FCRL5: variants seen among roughly 807,000 people sequenced by gnomAD.
FCRL5 encodes Fc receptor like 5.
Under a neutral mutation model 92.1 loss-of-function variants are expected in FCRL5, and 79 were observed. That is an observed-to-expected ratio of 0.86 (90% CI 0.72 to 1.03). The LOEUF (loss-of-function observed/expected upper bound fraction) is 1.03. Ranked by LOEUF, FCRL5 falls within the 50% of genes least tolerant of loss-of-function variation. The pLI is 0.00. For missense variants in FCRL5, 1,160 were observed against 1,181.1 expected, an observed-to-expected ratio of 0.98 and a Z score of 0.26; for synonymous variants, 466 against 469.3, an observed-to-expected ratio of 0.99 and a Z score of 0.09.
intron 6 of FCRL5, 38 bp from the exon 7 acceptor site, chr1:157,539,402 C>T: frequency 6.5e-7 from 1 of 1,547,892 alleles, no homozygotes; most frequent in Non-Finnish European, 8.7e-7. Flanking sequence ...TTTGTTTCTG[C>T]CTCCTGCTGT....
At position 157,513,578 on chromosome 1, in the gene FCRL5, C is replaced by T. The variant is rs1324939232; in HGVS notation, c.*2097G>A. On this transcript the variant is annotated 3_prime_UTR_variant, in exon 17 of 17. Transcript: ENST00000361835. The stretch of plus-strand genomic sequence containing the variant: ...AAGCAGAAAAACTTATGTCCCAGCC[C>T]AAAGCAGGAGTTCCCCCTTACTTGA... 6.6e-6 allele frequency: 1 copy of T among 152,206 alleles called. No individual in the cohort carries two copies. The highest frequency in any genetic ancestry group is 1.5e-5 in the Non-Finnish European group (1 of 68,044). 9.4% of individuals were successfully genotyped at this position (152,206 alleles called of 1,614,324 possible).
chr1:157,528,308 T>A (rs1650532132), intron 8 of FCRL5: 1 of 153,112 alleles, frequency 6.5e-6, no homozygotes, highest in Admixed American at 6.5e-5. Context: ...GTGTAAGAAA[T>A]CGCAGATGAC....
chr1:157,544,772 T>A, intron 4 of FCRL5, 59 bp downstream of exon 4: 1 of 1,602,794 alleles, frequency 6.2e-7, no homozygotes. Flanking sequence ...GTTCTATCTC[T>A]ATGACCCCAA....
rs1651646513 is a variant in FCRL5, at chr1:157,548,197, C to T, written c.53-1000G>A. 2.0e-5 allele frequency among the ~76,000 whole-genome samples: 3 copies of T among 152,226 alleles called. No homozygotes were observed. In the South Asian group the frequency reaches 6.2e-4, roughly 32 times the overall value. On this transcript the variant is annotated intron_variant, in intron 2 of 16. Transcript: ENST00000361835. ...GCTGCTTGGGCATTCACCCCTTCCC[C>T]CAGGGAGGGTCAGAGGGTGACCATG... is the stretch of plus-strand genomic sequence containing the variant.
At chr1:157,523,964 G>T (rs1888872) in intron 10 of FCRL5, 13 of 426,660 alleles carry the variant, frequency 3.0e-5, no homozygotes, top group Non-Finnish European at 4.9e-5. Context: ...AGAAACATAT[G>T]CTCAGAATTC....
chr1:157,516,381 G>A (rs566460758), intron 15 of FCRL5, among the ~76,000 whole-genome samples: 1 of 152,338 alleles, frequency 6.6e-6, no homozygotes, highest in Admixed American at 6.5e-5. Flanking sequence ...GAAGCTATAT[G>A]AGTTTACACA....
At chr1:157,546,083 T>TG (rs1277353409) in intron 3 of FCRL5, 1 of 247,208 alleles carries the variant, frequency 4.0e-6, no homozygotes, top group East Asian at 1.2e-4. Flanking sequence ...TATCTACCTA[T>TG]GCATTATCTA....
Position 157,546,999 on chromosome 1 carries a change from C to A in FCRL5, c.251G>T (p.Arg84Ile), listed in dbSNP as rs769111036. 7 of 1,614,196 alleles carry A rather than the reference C, an allele frequency of 4.3e-6. No individual in the cohort carries two copies. In the East Asian group the frequency reaches 1.3e-4, roughly 31 times the overall value. Residue 84 changes from arginine (R) to isoleucine (I), a missense_variant, in exon 3 of 17, where the codon AGA (arginine) becomes ATA (isoleucine). Transcript: ENST00000361835. Reference protein sequence around the residue: ...ILEVQESGEYRCQAQGSPLSS... With the variant: ...ILEVQESGEYICQAQGSPLSS... The stretch of plus-strand genomic sequence containing the variant: ...GAGAGGGGAGCCCTGGGCCTGGCAT[C>A]TGTACTCTCCAGATTCCTGAACCTC...
At chr1:157,535,912 C>CT (rs1252924638) in intron 7 of FCRL5, among the ~76,000 whole-genome samples, 2 of 129,138 alleles carry the variant, frequency 1.5e-5, no homozygotes, top group Admixed American at 8.2e-5. Flanking sequence ...CCAAAGGGTA[C>CT]TTTGTGGCTA....
intron 8 of FCRL5, among the ~76,000 whole-genome samples, chr1:157,529,596 T>C (rs10908576): frequency 0.053 from 242 of 4,570 alleles, no homozygotes; most frequent in East Asian, 0.21. Flanking sequence ...TACATACGCA[T>C]GTGTGTGTGT....
rs138964491 is a variant in FCRL5 at position 157,544,696 on chromosome 1, T to C, written c.559+135A>G. ...CCTTCAGCCCAAAACACTACTATAC[T>C]TCCTCTGCTCCTTGCAGGAATGTGT... On this transcript the variant is annotated intron_variant, in intron 4 of 16. Coordinates refer to ENST00000361835, the MANE Select transcript of FCRL5 (RefSeq NM_031281.3). The C allele has an allele frequency of 1.1e-3, 1,497 of 1,420,550 alleles. 12 individuals are homozygous for C. The African/African-American group carries it at 0.018, about 17-fold the overall frequency. The allele number at this position is 1,420,550 out of a possible 1,614,324, so 88.0% of individuals were successfully genotyped here.
intron 7 of FCRL5, among the ~76,000 whole-genome samples, chr1:157,535,943 G>GTTTTTTTTTTTT (rs60191062): frequency 0.43 from 37,758 of 88,454 alleles, 12,124 homozygotes; most frequent in East Asian, 0.59. Context: ...ATGTGACTCA[G>GTTTTTTTTTTTT]TTTTTTTTTT....
chr1:157,515,931 G>A lies in FCRL5; in HGVS notation c.2813-58C>T, dbSNP rs547869557. ...GACTGGCATGGGGCTCTTCCCTTGT[G>A]CCTGCGCTGTGGGGCCAGCCCTGAG... On this transcript the variant is annotated intron_variant, in intron 15 of 16. Transcript: ENST00000361835. The A allele has an allele frequency of 5.2e-4, 830 of 1,591,014 alleles. 1 individual carries two copies. The Middle Eastern group carries it at 6.5e-3, about 12-fold the overall frequency.
chr1:157,546,562 C>G (rs759722808), intron 3 of FCRL5, among the ~76,000 whole-genome samples: 4 of 151,980 alleles, frequency 2.6e-5, no homozygotes, highest in Non-Finnish European at 5.9e-5. Flanking sequence ...TTTCTGGTAC[C>G]GGAGAGGCTT....
At position 157,527,677 on chromosome 1, in the gene FCRL5, ATGAG is replaced by A; in HGVS notation, c.1896_1899del (p.Ser633ValfsTer7). On this transcript the variant is annotated frameshift_variant, in exon 9 of 17. Transcript: ENST00000361835. LOFTEE classifies it high-confidence loss of function. ...GCCACTAGGCCATTGTTGGCCTCAC[ATGAG>A]TAGTTTCCAGAATGTTCTGCAGTCA... 6.2e-7 allele frequency: 1 copy of A among 1,614,174 alleles called. No individual in the cohort carries two copies. The highest frequency in any genetic ancestry group is 8.5e-7 in the Non-Finnish European group (1 of 1,179,988).
intron 1 of FCRL5, among the ~76,000 whole-genome samples, 187 bp downstream of exon 1, chr1:157,552,145 G>A (rs1043272745): frequency 6.6e-6 from 1 of 152,154 alleles, no homozygotes; most frequent in African/African-American, 2.4e-5. Context: ...ATTCCTTCCA[G>A]CTGTGGCCAT....
intron 9 of FCRL5, among the ~76,000 whole-genome samples, chr1:157,525,699 G>T (rs1650396731): frequency 1.3e-5 from 2 of 152,204 alleles, no homozygotes; most frequent in Admixed American, 1.3e-4. Flanking sequence ...AGAGACCCAA[G>T]AAATATTTAG....
Position 157,527,717 on chromosome 1 carries a change from G to C in FCRL5, c.1860C>G (p.Phe620Leu). 1 of 1,614,198 alleles carries C rather than the reference G, an allele frequency of 6.2e-7. No individual in the cohort carries two copies. The highest frequency in any genetic ancestry group is 8.5e-7 in the Non-Finnish European group (1 of 1,180,020). ...AATGTTCTGCAGTCAGAGAGAGGTT[G>C]AAAGAAGCTTCTCCTCCAGAGGGGG... ...SSAPSGGEAS[F>L]NLSLTAEHSG... The change falls in exon 9 of 17, where the codon TTC (phenylalanine) becomes TTG (leucine). Residue 620 changes from phenylalanine (F) to leucine (L), a missense_variant. By Grantham distance (22) the Phe-to-Leu change is conservative. Transcript: ENST00000361835.
At chr1:157,529,922 C>T (rs1020470605) in intron 8 of FCRL5, among the ~76,000 whole-genome samples, 2 of 152,280 alleles carry the variant, frequency 1.3e-5, no homozygotes, top group South Asian at 4.1e-4. Context: ...AAAGAAGTTA[C>T]TCATGTAACC....
Sources: gnomAD v4.1 joint callset for allele counts (sites outside exome capture counted in the v4.1 genomes callset) on GRCh38, gnomAD v4.1.1 for gene constraint, MANE v1.5 for transcripts, NCBI Gene and HGNC (gene_info 2026-07-23, HGNC 2026-07-21) for gene names.